AVEN: variants seen among roughly 807,000 people sequenced by gnomAD.
The protein encoded by AVEN is cell death regulator Aven.
Under a neutral mutation model 38.1 loss-of-function variants are expected in AVEN, and 41 were observed. The observed-to-expected ratio is 1.08, with a 90% CI of 0.84 to 1.40. The LOEUF (loss-of-function observed/expected upper bound fraction) is 1.40, where lower values mean the gene tolerates loss of function less well. Ranked by LOEUF, AVEN falls within the 40% of genes most tolerant of loss-of-function variation. AVEN has a pLI of 0.00. For synonymous variants in AVEN, 206 were observed against 171.8 expected, an observed-to-expected ratio of 1.20 and a Z score of -1.56; for missense variants, 605 against 438.8, an observed-to-expected ratio of 1.38 and a Z score of -3.38.
intron 2 of AVEN, among the ~76,000 whole-genome samples, chr15:33,908,661 G>A (rs867037898): frequency 2.0e-5 from 3 of 151,908 alleles, no homozygotes; most frequent in Admixed American, 6.6e-5. Context: ...CCTTGTTGTC[G>A]CATGTTTCCG....
At chr15:34,023,568 T>G (rs1427611453) in intron 1 of AVEN, among the ~76,000 whole-genome samples, 1 of 152,044 alleles carries the variant, frequency 6.6e-6, no homozygotes, top group Non-Finnish European at 1.5e-5. Context: ...TTTCTTAACC[T>G]CCTCTTAGGT....
chr15:33,949,865 G>A (rs1191361258), intron 2 of AVEN, among the ~76,000 whole-genome samples: 2 of 152,136 alleles, frequency 1.3e-5, no homozygotes, highest in African/African-American at 4.8e-5. Context: ...CCACTTCTGG[G>A]TATACGGCCA....
chr15:33,969,808 T>C (rs1338785845), intron 2 of AVEN, among the ~76,000 whole-genome samples: 1 of 151,990 alleles, frequency 6.6e-6, no homozygotes, highest in Non-Finnish European at 1.5e-5. Context: ...CCTTAAAACC[T>C]CAAAAGCTTT....
intron 2 of AVEN, among the ~76,000 whole-genome samples, chr15:33,976,883 T>A (rs1371155206): frequency 6.6e-6 from 1 of 152,100 alleles, no homozygotes; most frequent in African/African-American, 2.4e-5. Context: ...TTTCTTCCCA[T>A]CCCTGAGTCA....
downstream of AVEN, chr15:33,854,707 T>G: frequency 1.3e-6 from 2 of 1,542,158 alleles, no homozygotes; most frequent in Non-Finnish European, 1.7e-6. Context: ...AAAAAATGTT[T>G]TATAATGAGC....
chr15:33,867,694 G>C lies in AVEN; in HGVS notation c.774C>G (p.Asp258Glu). ...AAGCPVLLGK[D>E]NPSPGPSRDS... is the part of the protein sequence containing the mutation. Reference sequence around the variant, plus strand: ...CCCTTGAAGGACCCGGGCTTGGGTTGTCTTTGCCCAGCAACACAGGGCAGC... The same window carrying C: ...CCCTTGAAGGACCCGGGCTTGGGTTCTCTTTGCCCAGCAACACAGGGCAGC... Residue 258 changes from aspartate (D) to glutamate (E), a missense_variant, in exon 5 of 6, where the codon GAC becomes GAG. By Grantham distance (45) the Asp-to-Glu change is conservative (BLOSUM62 2). Coordinates refer to ENST00000306730, the MANE Select transcript of AVEN (RefSeq NM_020371.3). The C allele has an allele frequency of 1.9e-6, 3 of 1,614,150 alleles. No homozygotes were observed. The highest frequency in any genetic ancestry group is 2.5e-6 in the Non-Finnish European group (3 of 1,180,018).
At chr15:33,915,650 C>T (rs774508535) in intron 2 of AVEN, among the ~76,000 whole-genome samples, 13 of 152,280 alleles carry the variant, frequency 8.5e-5, no homozygotes, top group Admixed American at 1.3e-4. Flanking sequence ...TTCGATAGAA[C>T]TCAAAGTTTT....
downstream of AVEN, among the ~76,000 whole-genome samples, chr15:33,862,120 T>C (rs140107936): frequency 4.8e-3 from 735 of 152,198 alleles, 2 homozygotes; most frequent in African/African-American, 0.017. Flanking sequence ...TCAGACCCTG[T>C]AACTGTTCAT....
At chr15:33,888,088 T>C (rs1891777152) in intron 2 of AVEN, among the ~76,000 whole-genome samples, 1 of 151,984 alleles carries the variant, frequency 6.6e-6, no homozygotes, top group Admixed American at 6.6e-5. Flanking sequence ...AACAAAACCT[T>C]AAGAATGGGT....
rs528713505 is a variant in AVEN at position 33,981,269 on chromosome 15, A to G, written c.445+21763T>C. Reference sequence around the variant, plus strand: ...TCCGCATGCACAGTTTATAACACATAATTATCTTTTTGCTTGAGTTATTAG... The same window carrying G: ...TCCGCATGCACAGTTTATAACACATGATTATCTTTTTGCTTGAGTTATTAG... On this transcript the variant is annotated intron_variant, in intron 2 of 5. Coordinates refer to ENST00000306730, the MANE Select transcript of AVEN (RefSeq NM_020371.3). Among the ~76,000 whole-genome samples the G allele has an allele frequency of 4.3e-4, 65 of 152,304 alleles. 1 individual carries two copies. Among genetic ancestry groups the G allele is most frequent in the African/African-American group, 1.5e-3 (62 of 41,558 alleles).
intron 2 of AVEN, among the ~76,000 whole-genome samples, chr15:33,992,389 CA>C: frequency 6.8e-6 from 1 of 147,614 alleles, no homozygotes; most frequent in African/African-American, 2.5e-5. Flanking sequence ...GACTCCGTCT[CA>C]AAAAAAAAGA....
At chr15:34,073,119 C>A (rs1900662754) in intron 1 of AVEN, among the ~76,000 whole-genome samples, 1 of 151,464 alleles carries the variant, frequency 6.6e-6, no homozygotes, top group South Asian at 2.1e-4. Flanking sequence ...CGACTCACTG[C>A]AAGCTCCACC....
In AVEN at chr15:33,937,545, T is replaced by A. The variant is rs888781179; in HGVS notation, c.446-61550A>T. Reference sequence around the variant, plus strand: ...GAGACTCCATCTCAAAAAAAAAAAATAAATCCTTCTACGGACTAAATGGTA... The same window carrying A: ...GAGACTCCATCTCAAAAAAAAAAAAAAAATCCTTCTACGGACTAAATGGTA... On this transcript the variant is annotated intron_variant, in intron 2 of 5. Transcript: ENST00000306730. Among the ~76,000 whole-genome samples, 8 of 146,274 alleles carry A rather than the reference T, an allele frequency of 5.5e-5. No individual in the cohort carries two copies. The South Asian group carries it at 6.6e-4, about 12-fold the overall frequency.
At chr15:33,873,547 CAATA>C (rs1445546989) in intron 3 of AVEN, among the ~76,000 whole-genome samples, 2 of 146,652 alleles carry the variant, frequency 1.4e-5, no homozygotes, top group Admixed American at 6.9e-5. Flanking sequence ...TATATGCACT[CAATA>C]TATAATATAC....
intron 1 of AVEN, chr15:34,006,960 G>T: frequency 1.7e-6 from 1 of 590,834 alleles, no homozygotes; most frequent in Non-Finnish European, 2.1e-6. Context: ...CAGAAAACAA[G>T]GTGAAAACTA....
chr15:33,868,901 G>C (rs1448190519), intron 4 of AVEN, among the ~76,000 whole-genome samples: 1 of 152,046 alleles, frequency 6.6e-6, no homozygotes, highest in Admixed American at 6.5e-5. Context: ...TTTAATAAAA[G>C]TTACAAACTC....
chr15:33,999,023 T>C (rs1367018243), intron 2 of AVEN, among the ~76,000 whole-genome samples: 1 of 152,234 alleles, frequency 6.6e-6, no homozygotes, highest in Non-Finnish European at 1.5e-5. Flanking sequence ...GCCTATTAGA[T>C]GTTGTGCTGG....
chr15:33,962,128 G>C (rs957928935), intron 2 of AVEN, among the ~76,000 whole-genome samples: 5 of 152,024 alleles, frequency 3.3e-5, no homozygotes, highest in South Asian at 2.1e-4. Flanking sequence ...GTAAGTGGCA[G>C]AGACAGGAAA....
intron 1 of AVEN, among the ~76,000 whole-genome samples, chr15:34,017,500 T>TTTTTG (rs1897982817): frequency 6.7e-6 from 1 of 148,958 alleles, no homozygotes; most frequent in African/African-American, 2.5e-5. Context: ...TTTTTTTTTT[T>TTTTTG]GAGACAGGGT....
Sources: gnomAD v4.1 joint callset for allele counts (sites outside exome capture counted in the v4.1 genomes callset) on GRCh38, gnomAD v4.1.1 for gene constraint, MANE v1.5 for transcripts, NCBI Gene and HGNC (gene_info 2026-07-23, HGNC 2026-07-21) for gene names.